PHF2: variants seen among roughly 807,000 people sequenced by gnomAD.
PHF2 encodes PHD finger protein 2, also known as lysine-specific demethylase PHF2.
A neutral mutation model predicts 120.5 loss-of-function variants in PHF2; 27 were observed. The observed-to-expected ratio is 0.22, with a 90% CI of 0.17 to 0.31. The LOEUF is 0.31. PHF2 is among the 10% of genes least tolerant of loss of function. PHF2 has a pLI of 1.00. For missense variants in PHF2, 1,024 were observed against 1,434.8 expected (o/e 0.71, Z 4.63); for synonymous variants, 568 against 592.5 (o/e 0.96, Z 0.60).
chr9:93,649,890 GAC>G (rs201724985), intron 5 of PHF2, among the ~76,000 whole-genome samples: 2,340 of 151,336 alleles, frequency 0.015, 63 homozygotes, highest in African/African-American at 0.054. Flanking sequence ...ACACACTCGT[GAC>G]ACAACACACC....
chr9:93,613,971 A>G (rs2989755), intron 1 of PHF2, among the ~76,000 whole-genome samples: 47,363 of 151,950 alleles, frequency 0.31, 8,158 homozygotes, highest in South Asian at 0.6. Context: ...GCCTCTACAC[A>G]TCCCTTTCTT....
chr9:93,653,466 T>A, intron 6 of PHF2, 101 bp downstream of exon 6: 1 of 1,227,248 alleles, frequency 8.1e-7, no homozygotes, highest in Non-Finnish European at 1.2e-6. Context: ...AGGATGCGAC[T>A]CCCCAGAGGG....
chr9:93,580,374 AG>A (rs1053226558), intron 1 of PHF2, among the ~76,000 whole-genome samples: 10 of 152,126 alleles, frequency 6.6e-5, no homozygotes, highest in African/African-American at 2.4e-4. Flanking sequence ...ACCGGCACTG[AG>A]GAGGACCTGT....
intron 1 of PHF2, among the ~76,000 whole-genome samples, chr9:93,602,811 A>G (rs376251373): frequency 2.6e-4 from 39 of 152,222 alleles, no homozygotes; most frequent in Non-Finnish European, 4.6e-4. Context: ...CGAGTTTTAT[A>G]GCTCATTTGT....
chr9:93,636,363 G>A, intron 2 of PHF2, 48 bp from the exon 3 acceptor site: 2 of 1,458,788 alleles, frequency 1.4e-6, no homozygotes, highest in Non-Finnish European at 1.9e-6. Context: ...GTGGAGCCCT[G>A]CTGGGGCTGC....
intron 1 of PHF2, among the ~76,000 whole-genome samples, chr9:93,625,623 A>G (rs10821184): frequency 0.55 from 82,632 of 151,320 alleles, 22,977 homozygotes; most frequent in South Asian, 0.77. Flanking sequence ...GGCCACAGGT[A>G]TGTGTCACCA....
chr9:93,619,750 G>A (rs1650096308), intron 1 of PHF2, among the ~76,000 whole-genome samples: 2 of 152,236 alleles, frequency 1.3e-5, no homozygotes, highest in Non-Finnish European at 2.9e-5. Context: ...CGGCCAACAA[G>A]CTTCTGTTGT....
intron 4 of PHF2, 34 bp from the exon 5 acceptor site, chr9:93,649,037 C>T (rs1305059505): frequency 1.7e-5 from 27 of 1,549,348 alleles, no homozygotes; most frequent in Non-Finnish European, 2.2e-5. Flanking sequence ...GCCGCCTTCC[C>T]AGGGTGCTCA....
rs200438580 is a variant in PHF2 at position 93,677,544 on chromosome 9, C to G, written c.3203-44C>G. 3.3e-6 allele frequency: 5 copies of G among 1,518,606 alleles called. No homozygotes were observed. The highest frequency in any genetic ancestry group is 4.6e-6 in the Non-Finnish European group (5 of 1,095,624). 94.1% of individuals were successfully genotyped at this position (1,518,606 alleles called of 1,614,324 possible). On this transcript the variant is annotated intron_variant, in intron 21 of 21. Transcript: ENST00000359246. This position sits in a 1 kb window ranked among gnomAD's most constrained non-coding sequence, Gnocchi z 4.4. ...ACCGGCATGCCACGCCCCTTGCCAT[C>G]TAGCTTACCTTCCCTTTTTGTGTCC...
chr9:93,589,412 G>T lies in PHF2; in HGVS notation c.98+12541G>T, dbSNP rs567052107. ...CTGTGCGCTGTAGATGTTGAGTCCTGGTCTCCACCCAGCAGGTGCCAGGAG... is the reference window on the plus strand; with the variant it reads ...CTGTGCGCTGTAGATGTTGAGTCCTTGTCTCCACCCAGCAGGTGCCAGGAG... On this transcript the variant is annotated intron_variant, in intron 1 of 21. Coordinates refer to ENST00000359246, the MANE Select transcript of PHF2 (RefSeq NM_005392.4). 3.9e-5 allele frequency among the ~76,000 whole-genome samples: 6 copies of T among 152,132 alleles called. No homozygotes were observed. In the East Asian group the frequency reaches 1.2e-3, roughly 29 times the overall value.
Position 93,656,501 on chromosome 9 carries a change from G to A in PHF2, c.1053G>A (p.Val351=), listed in dbSNP as rs375214167. The change falls in exon 9 of 22, where the codon GTG becomes GTA. Residue 351 remains valine, a synonymous_variant. Coordinates refer to ENST00000359246, the MANE Select transcript of PHF2 (RefSeq NM_005392.4). The surrounding 1 kb of genome is among the most constrained non-coding windows in gnomAD (Gnocchi z 4.1). ...TGGTGGCTTCTAGAGCATATGAAGT[G>A]GAAAGGAGGTTGAAACTGGGCAGCC... ...SVEMQMRAYE[V]ERRLKLGSLT... is the part of the protein sequence containing the mutation. The A allele has an allele frequency of 1.9e-6, 3 of 1,612,924 alleles. No individual in the cohort carries two copies. Among genetic ancestry groups the A allele is most frequent in the African/African-American group, 1.3e-5 (1 of 74,986 alleles).
In PHF2 at chr9:93,640,365, C is replaced by T. The variant is rs1327102330; in HGVS notation, c.299+3840C>T. 1.8e-4 allele frequency among the ~76,000 whole-genome samples: 28 copies of T among 151,964 alleles called. No individual in the cohort carries two copies. In the East Asian group the frequency reaches 1.9e-3, roughly 10 times the overall value. On this transcript the variant is annotated intron_variant, in intron 3 of 21. Coordinates refer to ENST00000359246, the MANE Select transcript of PHF2 (RefSeq NM_005392.4). ...TCTTCTACATTTCTTGGATATTCTG[C>T]GCCTCCCCTTGACCCCCACCCACAT...
At chr9:93,633,347 G>A (rs1367622843) in intron 2 of PHF2, among the ~76,000 whole-genome samples, 1 of 152,216 alleles carries the variant, frequency 6.6e-6, no homozygotes, top group African/African-American at 2.4e-5. Flanking sequence ...ACCTGGCCAG[G>A]AACTCGGGAA....
At chr9:93,657,796 T>C (rs1230342976) in intron 9 of PHF2, among the ~76,000 whole-genome samples, 1 of 152,162 alleles carries the variant, frequency 6.6e-6, no homozygotes, top group African/African-American at 2.4e-5. Context: ...TGTGGGCCCA[T>C]GGACAGCCTG....
intron 1 of PHF2, among the ~76,000 whole-genome samples, chr9:93,620,599 AG>A (rs1825809797): frequency 6.6e-6 from 1 of 152,148 alleles, no homozygotes; most frequent in Non-Finnish European, 1.5e-5. Flanking sequence ...TGCATTAGTG[AG>A]GGGTTGAGGT....
intron 1 of PHF2, among the ~76,000 whole-genome samples, chr9:93,612,820 C>T (rs551608263): frequency 6.6e-6 from 1 of 152,216 alleles, no homozygotes; most frequent in South Asian, 2.1e-4. Flanking sequence ...GGGGTGTCCC[C>T]CACCCACCAG....
At chr9:93,653,086 G>T (rs10992828) in intron 5 of PHF2, 93 bp from the exon 6 acceptor site, 2 of 1,183,174 alleles carry the variant, frequency 1.7e-6, no homozygotes, top group Non-Finnish European at 2.4e-6. Context: ...GTGAGAGAGC[G>T]TGGGACATGC....
intron 4 of PHF2, among the ~76,000 whole-genome samples, chr9:93,646,460 G>A (rs377430777): frequency 8.5e-5 from 13 of 152,346 alleles, no homozygotes; most frequent in East Asian, 7.7e-4. Flanking sequence ...GGTGCTCATG[G>A]GGGATGCCTG....
intron 14 of PHF2, 43 bp from the exon 15 acceptor site, chr9:93,665,643 T>C: frequency 1.3e-6 from 2 of 1,598,086 alleles, no homozygotes; most frequent in Non-Finnish European, 1.7e-6. Flanking sequence ...CCGCTGGCTG[T>C]GGGGCTATGT....
Sources: gnomAD v4.1 joint callset for allele counts (sites outside exome capture counted in the v4.1 genomes callset) on GRCh38, gnomAD v4.1.1 for gene constraint, Gnocchi (gnomAD v3.1) non-coding constraint, MANE v1.5 for transcripts, NCBI Gene and HGNC (gene_info 2026-07-23, HGNC 2026-07-21) for gene names.